The following KLHL14 variants were observed in gnomAD, a reference collection of about 807,000 sequenced individuals.
The protein encoded by KLHL14 is kelch-like protein 14.
In KLHL14, 22 loss-of-function variants were observed where a neutral mutation model predicts 64.3. The ratio of observed to expected loss-of-function variants is 0.34; its 90% CI spans 0.24 to 0.49. The LOEUF (loss-of-function observed/expected upper bound fraction) is 0.49. Among genes scored for constraint, KLHL14 ranks in the 20% least tolerant of loss-of-function variants. KLHL14 has a pLI of 0.99. For missense variants in KLHL14, 661 were observed against 789.0 expected (o/e 0.84, Z 1.94); for synonymous variants, 322 against 333.4 (o/e 0.97, Z 0.37).
rs570090781 is a variant in KLHL14, at chr18:32,723,927, T to C, written c.1069+18001A>G. Among the ~76,000 whole-genome samples, 4 of 152,342 alleles carry C rather than the reference T, an allele frequency of 2.6e-5. No individual in the cohort carries two copies. The South Asian group carries it at 8.3e-4, about 32-fold the overall frequency. ...TTAATATGGCACTTTGTGGGTTCTC[T>C]TCTGTGCATTATTTGCAAACAAGGA... On this transcript the variant is annotated intron_variant, in intron 3 of 8. Transcript: ENST00000359358.
At chr18:32,691,053 G>GA (rs148053552) in intron 4 of KLHL14, among the ~76,000 whole-genome samples, 4,457 of 152,212 alleles carry the variant, frequency 0.029, 170 homozygotes, top group African/African-American at 0.085. Flanking sequence ...TTTCTGTGTA[G>GA]AAAAAATCTC....
chr18:32,682,801 C>T (rs1204554725), intron 5 of KLHL14, among the ~76,000 whole-genome samples: 1 of 152,150 alleles, frequency 6.6e-6, no homozygotes, highest in Admixed American at 6.6e-5. Context: ...CACATATCTA[C>T]AAAAATCCAT....
chr18:32,761,278 A>T (rs2050312337), intron 2 of KLHL14, among the ~76,000 whole-genome samples: 1 of 152,030 alleles, frequency 6.6e-6, no homozygotes. Flanking sequence ...CAACTGAAAA[A>T]CATGCTGATT....
intron 3 of KLHL14, among the ~76,000 whole-genome samples, chr18:32,720,284 G>A (rs1482398186): frequency 6.6e-6 from 1 of 152,176 alleles, no homozygotes; most frequent in Non-Finnish European, 1.5e-5. Context: ...AGACTTGACA[G>A]TGAGAATGGG....
chr18:32,711,897 C>T (rs1365142094), intron 3 of KLHL14, among the ~76,000 whole-genome samples: 1 of 152,184 alleles, frequency 6.6e-6, no homozygotes. Flanking sequence ...ACCCACAGAG[C>T]TGAATGTGAC....
intron 2 of KLHL14, among the ~76,000 whole-genome samples, chr18:32,764,000 A>T (rs897640403): frequency 6.6e-6 from 1 of 152,212 alleles, no homozygotes; most frequent in African/African-American, 2.4e-5. Context: ...CAGTTGATCC[A>T]CTCATAAGTC....
At chr18:32,745,908 A>G (rs1030626997) in intron 2 of KLHL14, among the ~76,000 whole-genome samples, 1 of 152,208 alleles carries the variant, frequency 6.6e-6, no homozygotes, top group Non-Finnish European at 1.5e-5. Flanking sequence ...AAGCTGAACT[A>G]ACTGTGCTGA....
At chr18:32,711,837 G>A (rs1419907162) in intron 3 of KLHL14, among the ~76,000 whole-genome samples, 4 of 152,042 alleles carry the variant, frequency 2.6e-5, no homozygotes, top group Non-Finnish European at 4.4e-5. Context: ...TTTATCCTTC[G>A]TAGTTGTATA....
At chr18:32,709,225 G>A (rs1029452411) in intron 3 of KLHL14, among the ~76,000 whole-genome samples, 1 of 152,102 alleles carries the variant, frequency 6.6e-6, no homozygotes, top group African/African-American at 2.4e-5. Context: ...CTTTGCTTCT[G>A]CAACACTCCA....
At chr18:32,708,909 C>T (rs1485771995) in intron 3 of KLHL14, among the ~76,000 whole-genome samples, 1 of 152,174 alleles carries the variant, frequency 6.6e-6, no homozygotes, top group Non-Finnish European at 1.5e-5. Flanking sequence ...TACTGCCCTG[C>T]CCTCCTGGTC....
In KLHL14 at chr18:32,770,983, T is replaced by A. The variant is rs2144201806; in HGVS notation, c.-43-349A>T. ...AGCAGTGGCAGCAGCGACGGCAAAG[T>A]GGCGGCTGAGGCCGAGGCACCTCGT... On this transcript the variant is annotated intron_variant, in intron 1 of 8. Coordinates refer to ENST00000359358, the MANE Select transcript of KLHL14 (RefSeq NM_020805.3). This position sits in a 1 kb window ranked among gnomAD's most constrained non-coding sequence, Gnocchi z 6.7. The A allele has an allele frequency of 2.4e-6, 1 of 420,534 alleles. No homozygotes were observed. The highest frequency in any genetic ancestry group is 2.1e-5 in the African/African-American group (1 of 47,416). The allele number at this position is 420,534 out of a possible 1,614,324, so 26.1% of individuals were successfully genotyped here.
chr18:32,678,729 C>T (rs899557849), intron 7 of KLHL14, among the ~76,000 whole-genome samples: 2 of 152,036 alleles, frequency 1.3e-5, no homozygotes, highest in East Asian at 3.9e-4. Flanking sequence ...TTGAGTGAGA[C>T]CACACAACTA....
In KLHL14 at chr18:32,769,868, A is replaced by G; in HGVS notation, c.724T>C (p.Ser242Pro). 6.2e-7 allele frequency: 1 copy of G among 1,613,974 alleles called. No individual in the cohort carries two copies. The highest frequency in any genetic ancestry group is 8.5e-7 in the Non-Finnish European group (1 of 1,180,024). Residue 242 changes from serine (S) to proline (P), a missense_variant, in exon 2 of 9, where the codon TCC becomes CCC. Physicochemically the swap from Ser to Pro is moderately conservative, Grantham distance 74. Transcript: ENST00000359358. ...VESELALFQM[S>P]VLWLEHDRET... ...CGGTCGTGCTCCAGCCACAGCACGGACATCTGGAAGAGCGCCAGCTCCGAC... is the reference window on the plus strand; with the variant it reads ...CGGTCGTGCTCCAGCCACAGCACGGGCATCTGGAAGAGCGCCAGCTCCGAC...
At chr18:32,714,210 T>A (rs2050033860) in intron 3 of KLHL14, among the ~76,000 whole-genome samples, 1 of 152,150 alleles carries the variant, frequency 6.6e-6, no homozygotes, top group South Asian at 2.1e-4. Context: ...ATAGAAGATA[T>A]TATGCATTCA....
intron 7 of KLHL14, 87 bp from the exon 8 acceptor site, chr18:32,677,417 C>T: frequency 3.3e-6 from 4 of 1,219,002 alleles, no homozygotes; most frequent in Non-Finnish European, 3.4e-6. Context: ...AAACAAGTCT[C>T]AAGCCAAAAT....
chr18:32,735,127 G>A (rs1452116283), intron 3 of KLHL14, among the ~76,000 whole-genome samples: 2 of 152,118 alleles, frequency 1.3e-5, no homozygotes, highest in Non-Finnish European at 2.9e-5. Context: ...TATGAACATG[G>A]TACTACCTCA....
At chr18:32,763,346 G>A (rs1305563166) in intron 2 of KLHL14, among the ~76,000 whole-genome samples, 7 of 152,218 alleles carry the variant, frequency 4.6e-5, no homozygotes, top group African/African-American at 1.4e-4. Context: ...GCCTGAAGAA[G>A]AGTTAGATGG....
At chr18:32,748,320 T>C (rs2050234060) in intron 2 of KLHL14, among the ~76,000 whole-genome samples, 1 of 152,056 alleles carries the variant, frequency 6.6e-6, no homozygotes, top group South Asian at 2.1e-4. Context: ...GTTCAAGCAA[T>C]TTCCGGCTAA....
intron 3 of KLHL14, among the ~76,000 whole-genome samples, chr18:32,705,653 G>A (rs1256960869): frequency 2.0e-5 from 3 of 151,578 alleles, no homozygotes; most frequent in African/African-American, 7.3e-5. Flanking sequence ...AACCTGTGAG[G>A]TGGAGGTTAT....
Sources: allele counts gnomAD v4.1 joint callset (sites outside exome capture counted in the v4.1 genomes callset), GRCh38; gene constraint gnomAD v4.1.1; non-coding constraint Gnocchi (gnomAD v3.1); transcripts MANE v1.5; gene names NCBI Gene and HGNC (gene_info 2026-07-23, HGNC 2026-07-21).